The following STAP1 variants were observed in gnomAD, a reference collection of about 807,000 sequenced individuals.
The protein encoded by STAP1 is signal-transducing adaptor protein 1.
Under a neutral mutation model 37.8 loss-of-function variants are expected in STAP1, and 30 were observed. The ratio of observed to expected loss-of-function variants is 0.79; its 90% CI spans 0.59 to 1.08. STAP1 has a LOEUF of 1.08. Ranked by LOEUF, STAP1 falls within the 50% of genes least tolerant of loss-of-function variation. The probability of loss-of-function intolerance (pLI) is 0.00; values close to 1 mark genes in which losing one functional copy is unlikely to be tolerated. For synonymous variants in STAP1, 130 were observed against 116.0 expected (o/e 1.12, Z -0.78); for missense variants, 357 against 349.4 (o/e 1.02, Z -0.17).
At chr4:67,600,737 TATA>T (rs1051339173) in intron 8 of STAP1, among the ~76,000 whole-genome samples, 11 of 152,302 alleles carry the variant, frequency 7.2e-5, no homozygotes, top group African/African-American at 2.6e-4. Context: ...TTCATCATTA[TATA>T]ATGACCTTTC....
chr4:67,571,123 C>T lies in STAP1; in HGVS notation c.160C>T (p.Leu54Phe). The T allele has an allele frequency of 6.2e-7, 1 of 1,611,580 alleles. No individual in the cohort carries two copies. The highest frequency in any genetic ancestry group is 8.5e-7 in the Non-Finnish European group (1 of 1,177,898). The part of the protein sequence containing the change: ...HYWTELRGTT[L>F]FFYTDKKSII... ...CTGGACAGAGTTGAGAGGAACTACT[C>T]TTTTCTTTTATACCGACAAAAAGAG... The change falls in exon 2 of 9, where the codon CTT becomes TTT. Residue 54 changes from leucine to phenylalanine, a missense_variant. Leu to Phe is a conservative substitution (Grantham distance 22, BLOSUM62 0). Coordinates refer to ENST00000265404, the MANE Select transcript of STAP1 (RefSeq NM_012108.4).
At position 67,571,080 on chromosome 4, in the gene STAP1, A is replaced by C; in HGVS notation, c.121-4A>C. 6.2e-7 allele frequency: 1 copy of C among 1,608,648 alleles called. No homozygotes were observed. The highest frequency in any genetic ancestry group is 8.5e-7 in the Non-Finnish European group (1 of 1,175,738). On this transcript the variant is annotated splice_polypyrimidine_tract_variant and splice_region_variant and intron_variant, in intron 1 of 8. Transcript: ENST00000265404. ...AAATAATGTTTATGGTTTCTTTCCC[A>C]CAGGAGTATGAGCATTACTGGACAG...
chr4:67,569,358 T>G (rs1727547047), intron 1 of STAP1, among the ~76,000 whole-genome samples: 3 of 152,202 alleles, frequency 2.0e-5, no homozygotes, highest in African/African-American at 7.2e-5. Context: ...TAGAATATCA[T>G]CAGATACTAC....
At chr4:67,600,772 A>G (rs1313827161) in intron 8 of STAP1, among the ~76,000 whole-genome samples, 2 of 152,104 alleles carry the variant, frequency 1.3e-5, no homozygotes, top group African/African-American at 4.8e-5. Context: ...TTTGACTTGA[A>G]ATCTATTTTG....
At position 67,605,276 on chromosome 4, in the gene STAP1, G is replaced by T. The variant is rs183184397; in HGVS notation, c.827-1020G>T. On this transcript the variant is annotated intron_variant, in intron 8 of 8. Transcript: ENST00000265404. ...CTTTCCTGATTTCTCTGGCTGGAAGGCTAAATTTTCTCTTGGGGTTTTAGG... is the reference window on the plus strand; with the variant it reads ...CTTTCCTGATTTCTCTGGCTGGAAGTCTAAATTTTCTCTTGGGGTTTTAGG... Among the ~76,000 whole-genome samples the T allele has an allele frequency of 1.7e-3, 265 of 151,752 alleles. 3 individuals carry two copies. Among genetic ancestry groups the T allele is most frequent in the African/African-American group, 3.7e-3 (155 of 41,370 alleles).
In STAP1 at chr4:67,575,524, T is replaced by A. The variant is rs370413727; in HGVS notation, c.306+26T>A. ...GTGAGCGAGGAGAAACAGTAGTCTG[T>A]AAAGGGTTGTGGTTATAAATAACAT... is the stretch of plus-strand genomic sequence containing the variant. On this transcript the variant is annotated intron_variant, in intron 3 of 8. Transcript: ENST00000265404. The A allele has an allele frequency of 3.3e-6, 5 of 1,510,756 alleles. No homozygotes were observed. The African/African-American group carries it at 6.9e-5, about 21-fold the overall frequency. The allele number at this position is 1,510,756 out of a possible 1,614,324, so 93.6% of individuals were successfully genotyped here. A position where few individuals can be genotyped will look rare whatever the true frequency, so the allele number is the denominator to read the frequency against.
intron 7 of STAP1, among the ~76,000 whole-genome samples, chr4:67,591,453 T>C (rs1330664190): frequency 6.6e-6 from 1 of 152,216 alleles, no homozygotes; most frequent in Non-Finnish European, 1.5e-5. Context: ...AATGTAATTG[T>C]TATCATTACC....
intron 3 of STAP1, 104 bp from the exon 4 acceptor site, chr4:67,577,099 A>C (rs920255928): frequency 1.9e-6 from 2 of 1,046,424 alleles, no homozygotes; most frequent in African/African-American, 3.3e-5. Flanking sequence ...AGCCAAAAAA[A>C]GAAAATGAAT....
chr4:67,585,103 A>C (rs2109867540), intron 6 of STAP1, among the ~76,000 whole-genome samples: 1 of 152,340 alleles, frequency 6.6e-6, no homozygotes, highest in Middle Eastern at 3.4e-3. Flanking sequence ...ATACTTCCAC[A>C]ACTGATAATA....
In STAP1 at chr4:67,563,763, G is replaced by A. The variant is rs904616461; in HGVS notation, c.120+4834G>A. 5.3e-5 allele frequency among the ~76,000 whole-genome samples: 8 copies of A among 152,166 alleles called. No homozygotes were observed. The East Asian group carries it at 9.7e-4, about 18-fold the overall frequency. Reference sequence around the variant, plus strand: ...GTTCTGGCCACAGAGGTTATTCAAGGTTCCTCTTCCATTAAGGAGGCTAGC... The same window carrying A: ...GTTCTGGCCACAGAGGTTATTCAAGATTCCTCTTCCATTAAGGAGGCTAGC... On this transcript the variant is annotated intron_variant, in intron 1 of 8. Coordinates refer to ENST00000265404, the MANE Select transcript of STAP1 (RefSeq NM_012108.4).
At chr4:67,601,158 ATTAAG>A (rs758412252) in intron 8 of STAP1, among the ~76,000 whole-genome samples, 1 of 152,114 alleles carries the variant, frequency 6.6e-6, no homozygotes, top group Non-Finnish European at 1.5e-5. Flanking sequence ...TTGAAATACC[ATTAAG>A]TTTTCAAATA....
At chr4:67,599,448 G>A (rs1380052759) in intron 8 of STAP1, among the ~76,000 whole-genome samples, 2 of 152,058 alleles carry the variant, frequency 1.3e-5, no homozygotes, top group Non-Finnish European at 2.9e-5. Context: ...GGTTGTATGT[G>A]TCTAGAAATT....
rs1294963425 is a variant in STAP1 at position 67,606,409 on chromosome 4, C to T, written c.*52C>T. On this transcript the variant is annotated 3_prime_UTR_variant, in exon 9 of 9. Coordinates refer to ENST00000265404, the MANE Select transcript of STAP1 (RefSeq NM_012108.4). ...ATCTTGGTAATTTATATTTTCAAAA[C>T]GAAGTTCTTACTTTTAAAGAGAATT... The T allele has an allele frequency of 4.0e-6, 6 of 1,508,682 alleles. No homozygotes were observed. The highest frequency in any genetic ancestry group is 2.0e-5 in the Admixed American group (1 of 50,798). 93.5% of individuals were successfully genotyped at this position (1,508,682 alleles called of 1,614,324 possible).
intron 1 of STAP1, among the ~76,000 whole-genome samples, chr4:67,565,685 T>C (rs1208729828): frequency 6.6e-6 from 1 of 152,138 alleles, no homozygotes; most frequent in African/African-American, 2.4e-5. Flanking sequence ...AACAACTCTA[T>C]GGAGCAATAG....
chr4:67,604,164 T>C (rs1365584831), intron 8 of STAP1, among the ~76,000 whole-genome samples: 3 of 152,186 alleles, frequency 2.0e-5, no homozygotes, highest in Non-Finnish European at 2.9e-5. Context: ...TGAGTTACAA[T>C]GCAAAGTGCC....
intron 4 of STAP1, among the ~76,000 whole-genome samples, chr4:67,580,158 G>A (rs1049644571): frequency 5.9e-5 from 9 of 152,184 alleles, no homozygotes; most frequent in African/African-American, 2.2e-4. Flanking sequence ...GCGCCCTCCC[G>A]TATAACAATA....
At position 67,558,823 on chromosome 4, in the gene STAP1, A is replaced by G. The variant is rs889535758; in HGVS notation, c.14A>G (p.Lys5Arg). Reference sequence around the variant, plus strand: ...AAAGAGAGGGGTATGATGGCTAAGAAGCCCCCAAAACCAGCCCCTCGCAGG... The same window carrying G: ...AAAGAGAGGGGTATGATGGCTAAGAGGCCCCCAAAACCAGCCCCTCGCAGG... Reference protein sequence around the residue: MMAKKPPKPAPRRIF... With the variant: MMAKRPPKPAPRRIF... The change falls in exon 1 of 9, where the codon AAG becomes AGG. Residue 5 changes from lysine (K) to arginine (R), a missense_variant. Physicochemically the swap from Lys to Arg is conservative, Grantham distance 26. Transcript: ENST00000265404. The G allele has an allele frequency of 1.4e-5, 22 of 1,613,222 alleles. No homozygotes were observed. The highest frequency in any genetic ancestry group is 1.8e-5 in the Non-Finnish European group (21 of 1,179,548).
rs1728451876 is a variant in STAP1, at chr4:67,606,471, A to G, written c.*114A>G. Reference sequence around the variant, plus strand: ...CCTGATACTGATTACCAAGTCATTCACCTGAACACCAGAATTAGAATTAAA... The same window carrying G: ...CCTGATACTGATTACCAAGTCATTCGCCTGAACACCAGAATTAGAATTAAA... On this transcript the variant is annotated 3_prime_UTR_variant, in exon 9 of 9. Coordinates refer to ENST00000265404, the MANE Select transcript of STAP1 (RefSeq NM_012108.4). 2.5e-6 allele frequency: 2 copies of G among 810,248 alleles called. No homozygotes were observed. The highest frequency in any genetic ancestry group is 3.8e-6 in the Non-Finnish European group (2 of 521,484). The allele number at this position is 810,248 out of a possible 1,614,324, so 50.2% of individuals were successfully genotyped here.
intron 1 of STAP1, among the ~76,000 whole-genome samples, chr4:67,569,767 T>C (rs1727557828): frequency 6.6e-6 from 1 of 152,182 alleles, no homozygotes. Flanking sequence ...TCTCGCTCTG[T>C]CGCCCAGGCT....
Sources: gnomAD v4.1 joint callset for allele counts (sites outside exome capture counted in the v4.1 genomes callset) on GRCh38, gnomAD v4.1.1 for gene constraint, MANE v1.5 for transcripts, NCBI Gene and HGNC (gene_info 2026-07-23, HGNC 2026-07-21) for gene names.